Variants in SPAST observed in about 807,000 individuals in gnomAD.
SPAST encodes spastic paraplegia 4 (autosomal dominant; spastin).
Under a neutral mutation model 76.6 loss-of-function variants are expected in SPAST, and 30 were observed. That is an observed-to-expected ratio of 0.39 (90% CI 0.29 to 0.53). SPAST has a LOEUF of 0.53. Among genes scored for constraint, SPAST ranks in the 20% least tolerant of loss-of-function variants. SPAST has a pLI of 0.68. For missense variants in SPAST, 717 were observed against 770.5 expected, an observed-to-expected ratio of 0.93 and a Z score of 0.82; for synonymous variants, 305 against 281.0, an observed-to-expected ratio of 1.09 and a Z score of -0.86.
chr2:32,101,789 G>A (rs1678135099), intron 4 of SPAST, among the ~76,000 whole-genome samples: 1 of 152,150 alleles, frequency 6.6e-6, no homozygotes, highest in Non-Finnish European at 1.5e-5. Flanking sequence ...GGTTGTAGAT[G>A]TGTGGTATTA....
chr2:32,141,257 T>C (rs937926125), intron 12 of SPAST, among the ~76,000 whole-genome samples: 3 of 152,260 alleles, frequency 2.0e-5, no homozygotes, highest in Non-Finnish European at 2.9e-5. Flanking sequence ...TGCCTTCTTA[T>C]AAAGATAATT....
At chr2:32,138,585 C>T (rs1394040814) in intron 12 of SPAST, among the ~76,000 whole-genome samples, 1 of 152,138 alleles carries the variant, frequency 6.6e-6, no homozygotes, top group Non-Finnish European at 1.5e-5. Context: ...GGATATCAGA[C>T]CATTGTTAGA....
At chr2:32,078,472 G>A (rs139635591) in intron 1 of SPAST, among the ~76,000 whole-genome samples, 93 of 152,142 alleles carry the variant, frequency 6.1e-4, no homozygotes, top group African/African-American at 1.8e-3. Flanking sequence ...CACTGTGCCC[G>A]GCCCCATTTC....
At chr2:32,122,948 A>C (rs1679066090) in intron 7 of SPAST, among the ~76,000 whole-genome samples, 1 of 152,146 alleles carries the variant, frequency 6.6e-6, no homozygotes, top group African/African-American at 2.4e-5. Flanking sequence ...ACCAGCAGTG[A>C]ACAACTGGAA....
intron 1 of SPAST, among the ~76,000 whole-genome samples, chr2:32,086,571 A>G (rs1038843850): frequency 6.6e-6 from 1 of 151,950 alleles, no homozygotes; most frequent in Non-Finnish European, 1.5e-5. Flanking sequence ...CCTGGCCAAC[A>G]TGGTGAAAAC....
At chr2:32,108,336 A>G (rs1029678142) in intron 4 of SPAST, among the ~76,000 whole-genome samples, 2 of 152,186 alleles carry the variant, frequency 1.3e-5, no homozygotes, top group South Asian at 2.1e-4. Context: ...AGAAATTACT[A>G]AATTGATGAC....
At chr2:32,111,496 T>C (rs1678605608) in intron 4 of SPAST, among the ~76,000 whole-genome samples, 1 of 150,966 alleles carries the variant, frequency 6.6e-6, no homozygotes, top group Admixed American at 6.6e-5. Context: ...TTATTTTTAG[T>C]AATATCAAAA....
intron 4 of SPAST, among the ~76,000 whole-genome samples, chr2:32,112,182 A>T (rs1255632243): frequency 1.3e-5 from 2 of 151,258 alleles, no homozygotes; most frequent in Non-Finnish European, 2.9e-5. Flanking sequence ...TAAACTCCTG[A>T]CCTCAGATGG....
At chr2:32,098,411 A>G (rs1280582123) in intron 3 of SPAST, among the ~76,000 whole-genome samples, 3 of 152,206 alleles carry the variant, frequency 2.0e-5, no homozygotes, top group Admixed American at 2.0e-4. Context: ...ACAGTGAGCC[A>G]TGATGGTGCC....
At position 32,155,482 on chromosome 2, in the gene SPAST, G is replaced by A. The variant is rs369941161; in HGVS notation, c.*986G>A. 5.9e-5 allele frequency: 9 copies of A among 152,474 alleles called. No individual in the cohort carries two copies. In the East Asian group the frequency reaches 1.7e-3, roughly 29 times the overall value. The allele number at this position is 152,474 out of a possible 1,614,324, so 9.4% of individuals were successfully genotyped here. A position where few individuals can be genotyped will look rare whatever the true frequency, so the allele number is the denominator to read the frequency against. On this transcript the variant is annotated 3_prime_UTR_variant, in exon 17 of 17. Coordinates refer to ENST00000315285, the MANE Select transcript of SPAST (RefSeq NM_014946.4). ...TTTACAGGATAATTATAAGCAAGTG[G>A]AACTACCATCTTTTATTCTTAATAA...
intron 1 of SPAST, among the ~76,000 whole-genome samples, chr2:32,066,362 C>T (rs1176586386): frequency 6.6e-6 from 1 of 152,094 alleles, no homozygotes; most frequent in African/African-American, 2.4e-5. Flanking sequence ...AATAGAGGAA[C>T]ATGTTTAAGC....
At chr2:32,131,064 T>A (rs1679355242) in intron 9 of SPAST, among the ~76,000 whole-genome samples, 4 of 152,240 alleles carry the variant, frequency 2.6e-5, no homozygotes, top group Admixed American at 2.0e-4. Context: ...TCCATCACTA[T>A]GATAGAGATA....
intron 7 of SPAST, among the ~76,000 whole-genome samples, chr2:32,120,137 T>A (rs1425396433): frequency 6.6e-6 from 1 of 152,070 alleles, no homozygotes; most frequent in Non-Finnish European, 1.5e-5. Flanking sequence ...GAAATTTCCA[T>A]GAATTTCCAA....
intron 7 of SPAST, among the ~76,000 whole-genome samples, chr2:32,125,484 A>G (rs1008031605): frequency 1.3e-5 from 2 of 152,080 alleles, no homozygotes; most frequent in African/African-American, 4.8e-5. Flanking sequence ...CGGCCTCCCA[A>G]AGTGCTGTGA....
intron 3 of SPAST, among the ~76,000 whole-genome samples, chr2:32,097,978 G>T (rs950860067): frequency 6.6e-6 from 1 of 151,996 alleles, no homozygotes; most frequent in African/African-American, 2.4e-5. Flanking sequence ...GATTACAGAC[G>T]TGAGCCACTG....
chr2:32,085,854 C>A (rs1457776391), intron 1 of SPAST, among the ~76,000 whole-genome samples: 1 of 151,606 alleles, frequency 6.6e-6, no homozygotes, highest in Non-Finnish European at 1.5e-5. Context: ...CTATCCTGAA[C>A]AACATGGTGA....
intron 7 of SPAST, among the ~76,000 whole-genome samples, chr2:32,120,283 T>G (rs1432134431): frequency 6.6e-6 from 1 of 152,138 alleles, no homozygotes; most frequent in Admixed American, 6.6e-5. Context: ...AACTTGCATA[T>G]CATAGTAAAT....
intron 3 of SPAST, among the ~76,000 whole-genome samples, chr2:32,095,153 A>G (rs1414023945): frequency 1.3e-5 from 2 of 152,128 alleles, no homozygotes; most frequent in African/African-American, 4.8e-5. Context: ...GTATCAGGAG[A>G]AATGGTAACA....
At chr2:32,070,614 T>C (rs547501104) in intron 1 of SPAST, among the ~76,000 whole-genome samples, 2 of 152,338 alleles carry the variant, frequency 1.3e-5, no homozygotes, top group South Asian at 4.1e-4. Context: ...TTAACAAATA[T>C]GTGTACATAC....
Sources: gnomAD v4.1 joint callset for allele counts (sites outside exome capture counted in the v4.1 genomes callset) on GRCh38, gnomAD v4.1.1 for gene constraint, MANE v1.5 for transcripts, NCBI Gene and HGNC (gene_info 2026-07-23, HGNC 2026-07-21) for gene names.